Variants in VWA3A observed in about 807,000 individuals in gnomAD.
VWA3A encodes the protein von Willebrand factor A domain-containing protein 3A.
Under a neutral mutation model 160.4 loss-of-function variants are expected in VWA3A, and 134 were observed. The ratio of observed to expected loss-of-function variants is 0.84; its 90% CI spans 0.73 to 0.96. The LOEUF (loss-of-function observed/expected upper bound fraction) is 0.96, where lower values mean the gene tolerates loss of function less well. Among genes scored for constraint, VWA3A ranks in the 40% least tolerant of loss-of-function variants. The probability of loss-of-function intolerance (pLI) is 0.00; values close to 1 mark genes in which losing one functional copy is unlikely to be tolerated. For synonymous variants in VWA3A, 476 were observed against 543.4 expected (o/e 0.88, Z 1.72); for missense variants, 1,310 against 1,447.9 (o/e 0.90, Z 1.55).
chr16:22,093,763 TTTTG>T (rs1341053955), intron 1 of VWA3A, among the ~76,000 whole-genome samples: 1 of 152,106 alleles, frequency 6.6e-6, no homozygotes, highest in African/African-American at 2.4e-5. Context: ...TTCAGCACTT[TTTTG>T]TTTGTTCGTT....
intron 24 of VWA3A, 108 bp from the exon 25 acceptor site, chr16:22,142,560 A>G: frequency 1.3e-6 from 1 of 796,832 alleles, no homozygotes; most frequent in Admixed American, 2.1e-5. Context: ...CCATGACCCA[A>G]ACACCTCCCA....
At chr16:22,127,416 G>C (rs1217429728) in intron 17 of VWA3A, among the ~76,000 whole-genome samples, 1 of 152,068 alleles carries the variant, frequency 6.6e-6, no homozygotes, top group African/African-American at 2.4e-5. Flanking sequence ...TTGAGCCACT[G>C]AGCTCAGCCA....
rs555474217 is a variant in VWA3A, at chr16:22,143,749, CT to C, written c.2593-483del. Reference sequence around the variant, plus strand: ...CCACTATTTCTTTCTTTCTTTCTTTCTTTTTTTTTTTTTTTGAGACAGAGTT... The same window carrying C: ...CCACTATTTCTTTCTTTCTTTCTTTCTTTTTTTTTTTTTTGAGACAGAGTT... On this transcript the variant is annotated intron_variant, in intron 25 of 33. Transcript: ENST00000389398. 2.9e-3 allele frequency among the ~76,000 whole-genome samples: 375 copies of C among 127,270 alleles called. 1 individual carries two copies. Among genetic ancestry groups the C allele is most frequent in the Admixed American group, 4.3e-3 (47 of 10,858 alleles). 83.5% of individuals were successfully genotyped at this position (127,270 alleles called of 152,430 possible). A position where few individuals can be genotyped will look rare whatever the true frequency, so the allele number is the denominator to read the frequency against.
chr16:22,150,584 A>G, intron 29 of VWA3A, 111 bp from the exon 30 acceptor site: 1 of 1,312,496 alleles, frequency 7.6e-7, no homozygotes, highest in Non-Finnish European at 1.0e-6. Context: ...GTGGCATCCA[A>G]TCAGATGCAT....
rs1347900632 is a variant in VWA3A, at chr16:22,108,974, A to T, written c.484-508A>T. ...GGTTGCTTGAGCCCAGGAGTTCGAG[A>T]TCAACCTGGACAATATAGCAATATG... is the stretch of plus-strand genomic sequence containing the variant. On this transcript the variant is annotated intron_variant, in intron 6 of 33. Coordinates refer to ENST00000389398, the MANE Select transcript of VWA3A (RefSeq NM_173615.5). 2.0e-5 allele frequency among the ~76,000 whole-genome samples: 3 copies of T among 152,294 alleles called. No homozygotes were observed. The East Asian group carries it at 5.8e-4, about 29-fold the overall frequency.
intron 31 of VWA3A, among the ~76,000 whole-genome samples, chr16:22,154,931 G>A (rs984701026): frequency 8.7e-5 from 11 of 125,892 alleles, no homozygotes; most frequent in African/African-American, 2.1e-4. Context: ...TCCGCAGTCC[G>A]GCCTGGGCGA....
At chr16:22,124,034 G>T (rs895916973) in intron 16 of VWA3A, among the ~76,000 whole-genome samples, 1 of 151,774 alleles carries the variant, frequency 6.6e-6, no homozygotes, top group Non-Finnish European at 1.5e-5. Flanking sequence ...AATTAGCTGG[G>T]CATGGTGGTG....
intron 28 of VWA3A, 39 bp downstream of exon 28, chr16:22,148,345 G>A (rs559960319): frequency 2.0e-4 from 315 of 1,558,582 alleles, no homozygotes; most frequent in Non-Finnish European, 2.6e-4. Flanking sequence ...CAAAGGGGCA[G>A]TTCCTGGGGC....
intron 20 of VWA3A, 98 bp downstream of exon 20, chr16:22,133,193 C>T (rs773243073): frequency 4.1e-5 from 55 of 1,338,826 alleles, no homozygotes; most frequent in African/African-American, 7.4e-5. Context: ...AGAAAAGCAG[C>T]TTGTGAAAAT....
intron 5 of VWA3A, 85 bp from the exon 6 acceptor site, chr16:22,103,390 C>T: frequency 8.0e-7 from 1 of 1,244,816 alleles, no homozygotes; most frequent in Middle Eastern, 1.9e-4. Flanking sequence ...AACAATTATT[C>T]ATACCTGCCT....
rs1300704791 is a variant in VWA3A, at chr16:22,117,085, G to T, written c.925-26G>T. ...GGAGTATTGGTGTTGCCCTAGTGAG[G>T]CCTGACCCTGGCCTCATCCCTGCAG... is the stretch of plus-strand genomic sequence containing the variant. On this transcript the variant is annotated intron_variant, in intron 10 of 33. Transcript: ENST00000389398. 3 of 1,566,402 alleles carry T rather than the reference G, an allele frequency of 1.9e-6. No homozygotes were observed. The Admixed American group carries it at 5.7e-5, about 30-fold the overall frequency.
chr16:22,118,486 C>T (rs1425035347), intron 11 of VWA3A, among the ~76,000 whole-genome samples: 1 of 151,992 alleles, frequency 6.6e-6, no homozygotes, highest in African/African-American at 2.4e-5. Flanking sequence ...GAGATTGAGA[C>T]CATCCTGGCT....
chr16:22,106,523 C>T (rs1472292898), intron 6 of VWA3A, among the ~76,000 whole-genome samples: 2 of 152,024 alleles, frequency 1.3e-5, no homozygotes, highest in African/African-American at 4.8e-5. Flanking sequence ...GCAGAGGAGA[C>T]AGCAAGTCCA....
intron 32 of VWA3A, 77 bp downstream of exon 32, chr16:22,155,741 C>T (rs1391052964): frequency 2.5e-6 from 4 of 1,599,298 alleles, no homozygotes; most frequent in Non-Finnish European, 3.4e-6. Context: ...TCGAGAAGGG[C>T]CGCACCCATG....
intron 15 of VWA3A, 116 bp downstream of exon 15, chr16:22,123,281 G>A: frequency 8.6e-7 from 1 of 1,161,408 alleles, no homozygotes; most frequent in Non-Finnish European, 1.2e-6. Flanking sequence ...TGTAAAGAGG[G>A]ACTGTGTGCT....
intron 3 of VWA3A, 146 bp downstream of exon 3, chr16:22,097,841 C>T (rs2045349589): frequency 5.2e-6 from 6 of 1,162,112 alleles, no homozygotes; most frequent in Non-Finnish European, 3.5e-6. Context: ...TAATCCTCTG[C>T]CTTCAGAAAT....
Position 22,144,241 on chromosome 16 carries a change from C to A in VWA3A, c.2593-6C>A, listed in dbSNP as rs1309663884. On this transcript the variant is annotated splice_region_variant and splice_polypyrimidine_tract_variant and intron_variant, in intron 25 of 33. Coordinates refer to ENST00000389398, the MANE Select transcript of VWA3A (RefSeq NM_173615.5). The stretch of plus-strand genomic sequence containing the variant: ...TAAGATAATAGTTCTTTCCTTTATT[C>A]TAAAGTGGGTGGCAAAATATGGGCT... 2 of 1,609,164 alleles carry A rather than the reference C, an allele frequency of 1.2e-6. No homozygotes were observed. The highest frequency in any genetic ancestry group is 1.7e-6 in the Non-Finnish European group (2 of 1,178,008).
At chr16:22,128,361 T>C (rs1474346362) in intron 17 of VWA3A, among the ~76,000 whole-genome samples, 1 of 152,158 alleles carries the variant, frequency 6.6e-6, no homozygotes, top group African/African-American at 2.4e-5. Context: ...TGAGTGGGCT[T>C]GAGCCAAGGC....
In VWA3A at chr16:22,117,122, G is replaced by A. The variant is rs1472489654; in HGVS notation, c.936G>A (p.Lys312=). The part of the protein sequence containing the change: ...CDDQMPPAVL[K]NLAEAVRGYY... ...CCTCATCCCTGCAGGCTGTCCTGAA[G>A]AACCTTGCAGAAGCTGTTAGGGGCT... is the stretch of plus-strand genomic sequence containing the variant. Residue 312 remains lysine (K), a synonymous_variant, in exon 11 of 34, where the codon AAG becomes AAA. Coordinates refer to ENST00000389398, the MANE Select transcript of VWA3A (RefSeq NM_173615.5). The A allele has an allele frequency of 1.0e-5, 16 of 1,582,170 alleles. No individual in the cohort carries two copies. The highest frequency in any genetic ancestry group is 1.4e-5 in the Non-Finnish European group (16 of 1,163,920).
Sources: allele counts gnomAD v4.1 joint callset (sites outside exome capture counted in the v4.1 genomes callset), GRCh38; gene constraint gnomAD v4.1.1; transcripts MANE v1.5; gene names NCBI Gene and HGNC (gene_info 2026-07-23, HGNC 2026-07-21).